Variants in TTC39A observed in about 807,000 individuals in gnomAD.
The protein encoded by TTC39A is tetratricopeptide repeat protein 39A.
TTC39A carries 46 observed loss-of-function variants against 82.3 expected under a neutral mutation model. The observed-to-expected ratio is 0.56, with a 90% confidence interval of 0.44 to 0.71. The LOEUF is 0.71. TTC39A is among the 30% of genes least tolerant of loss of function. The pLI is 0.00. For synonymous variants in TTC39A, 254 were observed against 275.2 expected (o/e 0.92, Z 0.76); for missense variants, 543 against 712.9 (o/e 0.76, Z 2.71).
chr1:51,288,057 C>T lies in TTC39A; in HGVS notation c.*100G>A. The T allele has an allele frequency of 3.3e-6, 5 of 1,516,622 alleles. No homozygotes were observed. In the South Asian group the frequency reaches 3.8e-5, roughly 12 times the overall value. The allele number at this position is 1,516,622 out of a possible 1,614,324, so 93.9% of individuals were successfully genotyped here. ...CCATCCAACTGGAGTGCCGGTGGACCCCAAAGGCAGGGCAGGGCAGGGGGA... is the reference window on the plus strand; with the variant it reads ...CCATCCAACTGGAGTGCCGGTGGACTCCAAAGGCAGGGCAGGGCAGGGGGA... On this transcript the variant is annotated 3_prime_UTR_variant, in exon 18 of 18. Coordinates refer to ENST00000680483, the MANE Select transcript of TTC39A (RefSeq NM_001297663.2). This position sits in a 1 kb window ranked among gnomAD's most constrained non-coding sequence, Gnocchi z 4.8.
rs764719896 is a variant in TTC39A at position 51,303,151 on chromosome 1, G to A, written c.696C>T (p.His232=). 61 of 1,581,978 alleles carry A rather than the reference G, an allele frequency of 3.9e-5. No homozygotes were observed. The Admixed American group carries it at 1.1e-3, about 27-fold the overall frequency. ...LLQLEEGASG[H]SFRSVLCVML... is the part of the protein sequence containing the mutation. The stretch of plus-strand genomic sequence containing the variant: ...TGACACAGAGCACAGAGCGGAAGCT[G>A]TGCCCTGACGCTCCCTCCTCCAGCT... Residue 232 remains histidine (H), a synonymous_variant, in exon 9 of 18, where the codon CAC becomes CAT. Transcript: ENST00000680483.
chr1:51,291,355 G>A (rs1286469487), intron 14 of TTC39A, among the ~76,000 whole-genome samples: 2 of 151,610 alleles, frequency 1.3e-5, no homozygotes, highest in South Asian at 2.1e-4. Flanking sequence ...GCCGGGTGTG[G>A]TGGCACACAC....
chr1:51,299,602 G>A (rs1054696336), intron 12 of TTC39A: 4 of 152,276 alleles, frequency 2.6e-5, no homozygotes, highest in African/African-American at 9.6e-5. Flanking sequence ...CATGAGGAGA[G>A]TGTTGCAGAG....
chr1:51,331,608 G>T, upstream of TTC39A: 1 of 985,442 alleles, frequency 1.0e-6, no homozygotes, highest in Non-Finnish European at 1.2e-6. Context: ...GAGCCAGGCA[G>T]TTTGGGCTTG....
chr1:51,302,203 C>T, intron 11 of TTC39A, 154 bp downstream of exon 11: 1 of 946,798 alleles, frequency 1.1e-6, no homozygotes, highest in South Asian at 1.4e-5. Flanking sequence ...GCCAGAAGGG[C>T]CTCTCCTGCC....
Position 51,287,917 on chromosome 1 carries a change from C to T in TTC39A, c.*240G>A, listed in dbSNP as rs1217974155. The stretch of plus-strand genomic sequence containing the variant: ...TAAACATCACAGTGAAAAGCAAGTA[C>T]CCGTATGTGTGATAGGGCAGGCAGA... On this transcript the variant is annotated 3_prime_UTR_variant, in exon 18 of 18. Transcript: ENST00000680483. 2.0e-6 allele frequency: 1 copy of T among 506,810 alleles called. No individual in the cohort carries two copies. The highest frequency in any genetic ancestry group is 1.9e-5 in the African/African-American group (1 of 52,726). The allele number at this position is 506,810 out of a possible 1,614,324, so 31.4% of individuals were successfully genotyped here.
intron 4 of TTC39A, 125 bp from the exon 5 acceptor site, chr1:51,311,446 T>C (rs946059534): frequency 1.0e-5 from 8 of 784,700 alleles, no homozygotes; most frequent in African/African-American, 8.7e-5. Flanking sequence ...TCCTGTCCCC[T>C]ACCTCGTCAC....
At chr1:51,338,749 C>T (rs764531397) in intron 1 of TTC39A, among the ~76,000 whole-genome samples, 10 of 151,724 alleles carry the variant, frequency 6.6e-5, no homozygotes, top group Non-Finnish European at 1.2e-4. Context: ...ATTACAGGCA[C>T]GCACCACCAA....
Position 51,329,410 on chromosome 1 carries a change from G to A in TTC39A, c.41+1027C>T, listed in dbSNP as rs139705074. Among the ~76,000 whole-genome samples, 9 of 152,254 alleles carry A rather than the reference G, an allele frequency of 5.9e-5. No homozygotes were observed. In the East Asian group the frequency reaches 1.7e-3, roughly 29 times the overall value. The stretch of plus-strand genomic sequence containing the variant: ...AAGTCTAGGAAGGGTTAAGGACTTG[G>A]CCAAAGTCACACAACAAAAATGATG... On this transcript the variant is annotated intron_variant, in intron 1 of 17. Coordinates refer to ENST00000680483, the MANE Select transcript of TTC39A (RefSeq NM_001297663.2).
upstream of TTC39A, among the ~76,000 whole-genome samples, chr1:51,335,977 A>G (rs148956916): frequency 6.6e-6 from 1 of 151,496 alleles, no homozygotes; most frequent in Non-Finnish European, 1.5e-5. Flanking sequence ...CCCCCTTCTC[A>G]GCACCCCTCC....
Position 51,288,308 on chromosome 1 carries a change from T to C in TTC39A, c.1611-28A>G, listed in dbSNP as rs1388910969. 2.5e-6 allele frequency: 4 copies of C among 1,613,532 alleles called. No individual in the cohort carries two copies. The Admixed American group carries it at 5.0e-5, about 20-fold the overall frequency. On this transcript the variant is annotated intron_variant, in intron 17 of 17. Transcript: ENST00000680483. This position sits in a 1 kb window ranked among gnomAD's most constrained non-coding sequence, Gnocchi z 4.8. ...GGAATTGAGCAGCGAATCAGACACA[T>C]GAGGCTGCCTGCTCCCAGAGATGCT...
At chr1:51,302,288 GCCT>G in intron 11 of TTC39A, 66 bp downstream of exon 11, 1 of 1,343,952 alleles carries the variant, frequency 7.4e-7, no homozygotes, top group Non-Finnish European at 1.0e-6. Flanking sequence ...TGTCACATGT[GCCT>G]GACTTCCTGC....
At chr1:51,327,269 C>T (rs1371964746) in intron 1 of TTC39A, among the ~76,000 whole-genome samples, 1 of 152,192 alleles carries the variant, frequency 6.6e-6, no homozygotes, top group African/African-American at 2.4e-5. Context: ...GCAGTCAGAG[C>T]TGGATTTTAA....
At chr1:51,311,485 C>T (rs1408037936) in intron 4 of TTC39A, among the ~76,000 whole-genome samples, 164 bp from the exon 5 acceptor site, 1 of 152,214 alleles carries the variant, frequency 6.6e-6, no homozygotes, top group Non-Finnish European at 1.5e-5. Flanking sequence ...CGTCACTGTC[C>T]CTAGAAGCTA....
intron 1 of TTC39A, among the ~76,000 whole-genome samples, chr1:51,344,463 C>T (rs1408939684): frequency 1.3e-5 from 2 of 152,042 alleles, no homozygotes; most frequent in Non-Finnish European, 2.9e-5. Flanking sequence ...GAGGGCTCGC[C>T]TTGGAGGAGC....
chr1:51,324,367 T>C (rs181130149), intron 1 of TTC39A, among the ~76,000 whole-genome samples: 2 of 152,278 alleles, frequency 1.3e-5, no homozygotes, highest in African/African-American at 4.8e-5. Flanking sequence ...GAGTGGCCGT[T>C]GAAACTCCTG....
At chr1:51,338,666 GA>G (rs1277886709) in intron 1 of TTC39A, among the ~76,000 whole-genome samples, 36 of 144,164 alleles carry the variant, frequency 2.5e-4, no homozygotes, top group African/African-American at 9.1e-4. Flanking sequence ...GTAGTGGTAC[GA>G]TCTTGGCTCA....
rs756521842 is a variant in TTC39A at position 51,302,359 on chromosome 1, C to T, written c.889G>A (p.Ala297Thr). The change falls in exon 11 of 18, where the codon GCA (alanine) becomes ACA (threonine). Residue 297 changes from alanine to threonine, a missense_variant and splice_region_variant. Physicochemically the swap from Ala to Thr is moderately conservative, Grantham distance 58. Coordinates refer to ENST00000680483, the MANE Select transcript of TTC39A (RefSeq NM_001297663.2). Reference protein sequence around the residue: ...RIEVIKGNIDAAIRRFEECCE... With the variant: ...RIEVIKGNIDTAIRRFEECCE... The stretch of plus-strand genomic sequence containing the variant: ...CGGCCCGGACCCCCATCACTCACTG[C>T]ATCAATGTTGCCTTTAATGACTTCA... The T allele has an allele frequency of 1.9e-6, 3 of 1,602,790 alleles. No homozygotes were observed. The African/African-American group carries it at 4.0e-5, about 21-fold the overall frequency.
intron 3 of TTC39A, 151 bp downstream of exon 3, chr1:51,312,661 G>C: frequency 8.4e-7 from 1 of 1,189,548 alleles, no homozygotes. Context: ...TCCTGAGGCA[G>C]GGCCAACAGG....
Sources: gnomAD v4.1 joint callset for allele counts (sites outside exome capture counted in the v4.1 genomes callset) on GRCh38, gnomAD v4.1.1 for gene constraint, Gnocchi (gnomAD v3.1) non-coding constraint, MANE v1.5 for transcripts, NCBI Gene and HGNC (gene_info 2026-07-23, HGNC 2026-07-21) for gene names.